LCORL: variants seen among roughly 807,000 people sequenced by gnomAD.
The protein encoded by LCORL is ligand-dependent nuclear receptor corepressor-like protein.
A neutral mutation model predicts 141.8 loss-of-function variants in LCORL; 41 were observed. That is an observed-to-expected ratio of 0.29 (90% confidence interval 0.23 to 0.38). LCORL has a LOEUF of 0.38. LCORL is among the 10% of genes least tolerant of loss of function. LCORL has a pLI of 1.00. For synonymous variants in LCORL, 618 were observed against 694.1 expected (o/e 0.89, Z 1.72); for missense variants, 1,759 against 2,035.0 (o/e 0.86, Z 2.61).
At position 17,883,487 on chromosome 4, in the gene LCORL, G is replaced by C. The variant is rs1005489658; in HGVS notation, c.776+2581C>G. The C allele has an allele frequency of 3.2e-6, 4 of 1,237,702 alleles. No homozygotes were observed. The African/African-American group carries it at 6.2e-5, about 19-fold the overall frequency. The allele number at this position is 1,237,702 out of a possible 1,614,324, so 76.7% of individuals were successfully genotyped here. On this transcript the variant is annotated intron_variant, in intron 6 of 7. Coordinates refer to ENST00000635767, the Ensembl canonical transcript of LCORL. The stretch of plus-strand genomic sequence containing the variant: ...TACAAGGATTAAATACAAACTATCA[G>C]AATTAAGTAAGCAACTATATAATTC...
intron 1 of LCORL, among the ~76,000 whole-genome samples, chr4:18,008,796 G>A (rs1723213498): frequency 6.6e-6 from 1 of 152,012 alleles, no homozygotes; most frequent in African/African-American, 2.4e-5. Flanking sequence ...TACTAACTAT[G>A]GTAGTTAGGG....
At chr4:18,003,999 G>C (rs1005495018) in intron 1 of LCORL, among the ~76,000 whole-genome samples, 3 of 152,170 alleles carry the variant, frequency 2.0e-5, no homozygotes, top group African/African-American at 7.2e-5. Flanking sequence ...AGAATGCAAA[G>C]GTGCTACATG....
At chr4:17,997,841 C>CA (rs1211515534) in intron 1 of LCORL, among the ~76,000 whole-genome samples, 2 of 152,020 alleles carry the variant, frequency 1.3e-5, no homozygotes. Context: ...TCAGAGAAGA[C>CA]AAATTCAGGA....
At chr4:17,896,324 C>A (rs901752663) in intron 5 of LCORL, among the ~76,000 whole-genome samples, 1 of 152,076 alleles carries the variant, frequency 6.6e-6, no homozygotes, top group Non-Finnish European at 1.5e-5. Flanking sequence ...GCTCTTGTTG[C>A]CCAGGCTGGA....
At position 18,021,569 on chromosome 4, in the gene LCORL, C is replaced by A; in HGVS notation, c.154+29G>T. 2 of 1,505,832 alleles carry A rather than the reference C, an allele frequency of 1.3e-6. No homozygotes were observed. The highest frequency in any genetic ancestry group is 2.8e-5 in the East Asian group (1 of 35,972). 93.3% of individuals were successfully genotyped at this position (1,505,832 alleles called of 1,614,324 possible). On this transcript the variant is annotated intron_variant, in intron 1 of 7. Coordinates refer to ENST00000635767, the Ensembl canonical transcript of LCORL. This position sits in a 1 kb window ranked among gnomAD's most constrained non-coding sequence, Gnocchi z 5.5. The stretch of plus-strand genomic sequence containing the variant: ...CTGCGACAGCGGTCGCCGCGCGGAG[C>A]CCGGGGCCCCGGCCCGCGTCTCTCT...
intron 5 of LCORL, among the ~76,000 whole-genome samples, chr4:17,898,976 CAG>C: frequency 6.6e-6 from 1 of 152,314 alleles, no homozygotes; most frequent in East Asian, 1.9e-4. Flanking sequence ...CTTTGACAAA[CAG>C]GGTATATAGC....
chr4:17,999,552 C>T (rs1324003453), intron 1 of LCORL, among the ~76,000 whole-genome samples: 1 of 152,028 alleles, frequency 6.6e-6, no homozygotes, highest in Admixed American at 6.5e-5. Context: ...TATATGTGGT[C>T]TGTTGTTGAC....
intron 1 of LCORL, among the ~76,000 whole-genome samples, chr4:17,987,116 A>G (rs1256446172): frequency 6.6e-6 from 1 of 152,204 alleles, no homozygotes; most frequent in African/African-American, 2.4e-5. Context: ...ACGGTATAAA[A>G]CAGAAAATCA....
At chr4:17,896,447 A>G (rs1033447618) in intron 5 of LCORL, among the ~76,000 whole-genome samples, 1 of 151,948 alleles carries the variant, frequency 6.6e-6, no homozygotes, top group South Asian at 2.1e-4. Flanking sequence ...CCACACCCAG[A>G]TAATTTTTTT....
chr4:17,896,519 T>A (rs1055104740), intron 5 of LCORL, among the ~76,000 whole-genome samples: 1 of 152,184 alleles, frequency 6.6e-6, no homozygotes, highest in Admixed American at 6.5e-5. Flanking sequence ...TGACCTCAGG[T>A]GATCCACCCG....
At chr4:17,865,082 A>C (rs1725483983) in intron 7 of LCORL, among the ~76,000 whole-genome samples, 1 of 152,226 alleles carries the variant, frequency 6.6e-6, no homozygotes, top group South Asian at 2.1e-4. Flanking sequence ...CCCTTTCAAA[A>C]ATAGAACAAG....
At chr4:18,010,275 G>A (rs1723492746) in intron 1 of LCORL, among the ~76,000 whole-genome samples, 1 of 151,970 alleles carries the variant, frequency 6.6e-6, no homozygotes, top group Non-Finnish European at 1.5e-5. Flanking sequence ...GGAAAATCTA[G>A]TTAATTTAAA....
intron 1 of LCORL, among the ~76,000 whole-genome samples, chr4:18,017,266 A>G (rs1724780161): frequency 6.6e-6 from 1 of 152,172 alleles, no homozygotes; most frequent in Non-Finnish European, 1.5e-5. Flanking sequence ...ACTAATAATT[A>G]TAGAAGGAAT....
At chr4:17,976,182 A>G (rs1716923839) in intron 1 of LCORL, among the ~76,000 whole-genome samples, 1 of 152,174 alleles carries the variant, frequency 6.6e-6, no homozygotes, top group African/African-American at 2.4e-5. Flanking sequence ...TGGACAATAG[A>G]GTTGAATCTT....
chr4:17,923,578 G>A (rs538245536), intron 4 of LCORL, among the ~76,000 whole-genome samples: 7 of 152,160 alleles, frequency 4.6e-5, no homozygotes, highest in East Asian at 3.9e-4. Context: ...CCCGGGAGGC[G>A]GAGGTTGCAG....
In LCORL at chr4:17,963,067, A is replaced by T; in HGVS notation, c.221-18T>A. 7.2e-7 allele frequency: 1 copy of T among 1,391,782 alleles called. No individual in the cohort carries two copies. The highest frequency in any genetic ancestry group is 1.0e-6 in the Non-Finnish European group (1 of 997,878). 86.2% of individuals were successfully genotyped at this position (1,391,782 alleles called of 1,614,324 possible). ...TTCACAGTCTTTAAAAGAGGGAAAAAATTCATTAAATATACTAACTTTATT... is the reference window on the plus strand; with the variant it reads ...TTCACAGTCTTTAAAAGAGGGAAAATATTCATTAAATATACTAACTTTATT... On this transcript the variant is annotated intron_variant, in intron 2 of 7. Coordinates refer to ENST00000635767, the Ensembl canonical transcript of LCORL.
intron 7 of LCORL, among the ~76,000 whole-genome samples, chr4:17,861,379 C>T (rs113084318): frequency 0.049 from 7,426 of 152,254 alleles, 613 homozygotes; most frequent in African/African-American, 0.17. Flanking sequence ...CTGAGTGAGC[C>T]GTACCTCGGC....
intron 6 of LCORL, chr4:17,883,380 T>C (rs1727839477): frequency 1.3e-5 from 13 of 1,038,030 alleles, no homozygotes; most frequent in Non-Finnish European, 1.3e-5. Context: ...ATAAAAATGT[T>C]TCACTTGACA....
At chr4:17,872,472 GA>G (rs1177404173) in intron 7 of LCORL, among the ~76,000 whole-genome samples, 1 of 152,114 alleles carries the variant, frequency 6.6e-6, no homozygotes, top group Non-Finnish European at 1.5e-5. Context: ...AGCGCTTTAA[GA>G]AAGTTTACAA....
Sources: allele counts gnomAD v4.1 joint callset (sites outside exome capture counted in the v4.1 genomes callset), GRCh38; gene constraint gnomAD v4.1.1; non-coding constraint Gnocchi (gnomAD v3.1); transcripts MANE v1.5; gene names NCBI Gene and HGNC (gene_info 2026-07-23, HGNC 2026-07-21).